PROZ: variants seen among roughly 807,000 people sequenced by gnomAD.
PROZ encodes the protein vitamin K-dependent protein Z.
Under a neutral mutation model 34.9 loss-of-function variants are expected in PROZ, and 46 were observed. That is an observed-to-expected ratio of 1.32 (90% CI 1.04 to 1.69). PROZ has a LOEUF of 1.69. Ranked by LOEUF, PROZ falls within the 40% of genes most tolerant of loss-of-function variation. The pLI is 0.00. For missense variants in PROZ, 530 were observed against 520.4 expected (o/e 1.02, Z -0.18); for synonymous variants, 195 against 208.5 (o/e 0.94, Z 0.56).
chr13:113,169,646 G>T (rs2037050899), intron 6 of PROZ, among the ~76,000 whole-genome samples: 1 of 152,258 alleles, frequency 6.6e-6, no homozygotes, highest in Non-Finnish European at 1.5e-5. Context: ...TCTAGAGCTA[G>T]TTATTCTGAC....
Position 113,159,626 on chromosome 13 carries a change from G to C in PROZ, c.71-388G>C, listed in dbSNP as rs1430804149. Among the ~76,000 whole-genome samples, 1 of 152,210 alleles carries C rather than the reference G, an allele frequency of 6.6e-6. No individual in the cohort carries two copies. Among genetic ancestry groups the C allele is most frequent in the Non-Finnish European group, 1.5e-5 (1 of 68,048 alleles). On this transcript the variant is annotated intron_variant, in intron 1 of 7. Coordinates refer to ENST00000375547, the MANE Select transcript of PROZ (RefSeq NM_003891.3). This position sits in a 1 kb window ranked among gnomAD's most constrained non-coding sequence, Gnocchi z 4.6. ...GTTTTATCAAGATGTTAAATGCTGCGCACAGAGGCAGCACAGGAGCTGATG... is the reference window on the plus strand; with the variant it reads ...GTTTTATCAAGATGTTAAATGCTGCCCACAGAGGCAGCACAGGAGCTGATG...
rs765789868 is a variant in PROZ at position 113,170,509 on chromosome 13, AG to A, written c.672del (p.Asn225IlefsTer4). ...LTTAKCSLLH[R>X]NITVKTYFNR... is the part of the protein sequence containing the mutation. ...AACAGCAAAATGTTCACTGTTACAC[AG>A]GAATATTACTGTAAAAACATGTAAG... is the stretch of plus-strand genomic sequence containing the variant. On this transcript the variant is annotated frameshift_variant, in exon 7 of 8. Coordinates refer to ENST00000375547, the MANE Select transcript of PROZ (RefSeq NM_003891.3). LOFTEE classifies it low-confidence loss of function (END_TRUNC). 249 of 1,587,028 alleles carry A rather than the reference AG, an allele frequency of 1.6e-4. 1 individual carries two copies. Among genetic ancestry groups the A allele is most frequent in the Non-Finnish European group, 2.3e-5 (27 of 1,155,528 alleles).
chr13:113,159,939 G>C lies in PROZ; in HGVS notation c.71-75G>C. 1 of 1,580,204 alleles carries C rather than the reference G, an allele frequency of 6.3e-7. No homozygotes were observed. The highest frequency in any genetic ancestry group is 8.7e-7 in the Non-Finnish European group (1 of 1,151,340). The stretch of plus-strand genomic sequence containing the variant: ...CGGGGCTGGGGCTGGCGGCCGGCCG[G>C]GGAGGAAGCCAGGCAGCTCTGGAAA... On this transcript the variant is annotated intron_variant, in intron 1 of 7. Transcript: ENST00000375547. This position sits in a 1 kb window ranked among gnomAD's most constrained non-coding sequence, Gnocchi z 4.6.
intron 6 of PROZ, among the ~76,000 whole-genome samples, chr13:113,169,125 G>A (rs556299152): frequency 6.6e-5 from 10 of 152,196 alleles, no homozygotes; most frequent in Admixed American, 2.6e-4. Flanking sequence ...CCATAGCTCA[G>A]AGATGGTCTG....
In PROZ at chr13:113,164,538, G is replaced by C. The variant is rs1394157190; in HGVS notation, c.399G>C (p.Arg133=). 9.9e-6 allele frequency: 16 copies of C among 1,613,808 alleles called. No homozygotes were observed. Among genetic ancestry groups the C allele is most frequent in the Non-Finnish European group, 1.4e-5 (16 of 1,180,016 alleles). ...CTAAAAATGAATGTCACCCAGAGCGGACTGATGGGTGTCAACACTTCTGCC... is the reference window on the plus strand; with the variant it reads ...CTAAAAATGAATGTCACCCAGAGCGCACTGATGGGTGTCAACACTTCTGCC... ...ELAKNECHPE[R]TDGCQHFCLP... is the part of the protein sequence containing the mutation. The change falls in exon 5 of 8, where the codon CGG becomes CGC. Residue 133 remains arginine, a synonymous_variant. Transcript: ENST00000375547.
Position 113,159,323 on chromosome 13 carries a change from C to T in PROZ, c.70+593C>T. 16 of 1,467,004 alleles carry T rather than the reference C, an allele frequency of 1.1e-5. No individual in the cohort carries two copies. Among genetic ancestry groups the T allele is most frequent in the Non-Finnish European group, 1.4e-5 (15 of 1,071,372 alleles). 90.9% of individuals were successfully genotyped at this position (1,467,004 alleles called of 1,614,324 possible). On this transcript the variant is annotated intron_variant, in intron 1 of 7. Transcript: ENST00000375547. This position sits in a 1 kb window ranked among gnomAD's most constrained non-coding sequence, Gnocchi z 4.6. ...CATGGTCTCCCGCTGGCCCCATGGTCTCCCACCCTGAGAGGGTGATCCCCC... is the reference window on the plus strand; with the variant it reads ...CATGGTCTCCCGCTGGCCCCATGGTTTCCCACCCTGAGAGGGTGATCCCCC...
At chr13:113,166,635 G>C (rs1459278810) in intron 6 of PROZ, among the ~76,000 whole-genome samples, 2 of 152,220 alleles carry the variant, frequency 1.3e-5, no homozygotes, top group Non-Finnish European at 2.9e-5. Flanking sequence ...TGGAAGGCGG[G>C]GATGGAAGCG....
At position 113,159,373 on chromosome 13, in the gene PROZ, C is replaced by G; in HGVS notation, c.71-641C>G. 2 of 1,199,622 alleles carry G rather than the reference C, an allele frequency of 1.7e-6. No individual in the cohort carries two copies. Among genetic ancestry groups the G allele is most frequent in the East Asian group, 2.6e-5 (1 of 39,182 alleles). The allele number at this position is 1,199,622 out of a possible 1,614,324, so 74.3% of individuals were successfully genotyped here. A position where few individuals can be genotyped will look rare whatever the true frequency, so the allele number is the denominator to read the frequency against. On this transcript the variant is annotated intron_variant, in intron 1 of 7. Transcript: ENST00000375547. The surrounding 1 kb of genome is among the most constrained non-coding windows in gnomAD (Gnocchi z 4.6). The stretch of plus-strand genomic sequence containing the variant: ...CCGCCCTGCCCTGCCCAGCACTTAC[C>G]GTAGCCGGACTTAGCTGAGCCCCCC...
chr13:113,165,074 T>C lies in PROZ; in HGVS notation c.527T>C (p.Leu176Pro), dbSNP rs766046100. Residue 176 changes from leucine to proline, a missense_variant, in exon 6 of 8, where the codon CTG (leucine) becomes CCG (proline). By Grantham distance (98) the Leu-to-Pro change is moderately conservative. Coordinates refer to ENST00000375547, the MANE Select transcript of PROZ (RefSeq NM_003891.3). ...GCAGACCAGTGTGCCTGCGGGGTGC[T>C]GACCTCTGAGAAGCGTGCACCGGAT... ...VPHDQCACGVLTSEKRAPDLQ... is the reference protein window; with the variant it reads ...VPHDQCACGVPTSEKRAPDLQ... The C allele has an allele frequency of 6.2e-6, 10 of 1,613,332 alleles. No individual in the cohort carries two copies. The highest frequency in any genetic ancestry group is 1.7e-4 in the Middle Eastern group (1 of 6,058).
rs143678466 is a variant in PROZ at position 113,172,062 on chromosome 13, A to G, written c.1160A>G (p.Lys387Arg). 1.9e-5 allele frequency: 31 copies of G among 1,612,902 alleles called. No individual in the cohort carries two copies. The highest frequency in any genetic ancestry group is 2.4e-5 in the Non-Finnish European group (28 of 1,180,012). Residue 387 changes from lysine to arginine, a missense_variant, in exon 8 of 8, where the codon AAG (lysine) becomes AGG (arginine). Transcript: ENST00000375547. Reference protein sequence around the residue: ...GGQAHMVLVTKVSRYSLWFKQ... With the variant: ...GGQAHMVLVTRVSRYSLWFKQ... ...CAGGCTCACATGGTCCTTGTCACCA[A>G]GGTCTCCAGGTACTCACTCTGGTTT... is the stretch of plus-strand genomic sequence containing the variant.
chr13:113,164,192 C>G (rs749825696), intron 4 of PROZ, among the ~76,000 whole-genome samples: 4 of 152,006 alleles, frequency 2.6e-5, no homozygotes, highest in Non-Finnish European at 5.9e-5. Context: ...GTTGGCCAGG[C>G]TGGTCTTGAT....
intron 6 of PROZ, chr13:113,166,414 AG>A (rs1329261564): frequency 6.6e-6 from 1 of 152,154 alleles, no homozygotes; most frequent in Non-Finnish European, 1.5e-5. Context: ...GCACAGCCTC[AG>A]GGGCCCCCCT....
At chr13:113,160,294 G>C (rs2036738715) in intron 2 of PROZ, 117 bp downstream of exon 2, 2 of 1,285,374 alleles carry the variant, frequency 1.6e-6, no homozygotes, top group Non-Finnish European at 2.3e-6. Context: ...TTACCGATGA[G>C]GTTGACACAA....
At chr13:113,164,302 A>G (rs538112242) in intron 4 of PROZ, among the ~76,000 whole-genome samples, 19 of 152,202 alleles carry the variant, frequency 1.2e-4, no homozygotes, top group African/African-American at 4.3e-4. Flanking sequence ...TTTGTTCTAC[A>G]TGCACATTCC....
intron 4 of PROZ, among the ~76,000 whole-genome samples, chr13:113,164,081 G>A (rs558425126): frequency 1.3e-3 from 195 of 151,826 alleles, no homozygotes; most frequent in African/African-American, 4.3e-3. Context: ...CTGGGTTCAA[G>A]TGATTCTCCT....
At chr13:113,163,541 G>A (rs374750395) in intron 4 of PROZ, among the ~76,000 whole-genome samples, 23 of 152,096 alleles carry the variant, frequency 1.5e-4, no homozygotes, top group East Asian at 3.9e-4. Flanking sequence ...GTCCATCATC[G>A]CCAACTACAG....
At chr13:113,162,908 CCTCCTGCT>C in intron 3 of PROZ, 93 bp from the exon 4 acceptor site, 1 of 577,802 alleles carries the variant, frequency 1.7e-6, no homozygotes, top group Non-Finnish European at 3.0e-6. Flanking sequence ...ACTCCATCCT[CCTCCTGCT>C]CAGGTCCCCA....
At chr13:113,170,660 C>G in intron 7 of PROZ, 130 bp downstream of exon 7, 1 of 675,182 alleles carries the variant, frequency 1.5e-6, no homozygotes, top group South Asian at 1.7e-5. Context: ...GTCAATAAAA[C>G]TGAGATACTT....
At chr13:113,160,531 A>G (rs2036742000) in intron 2 of PROZ, among the ~76,000 whole-genome samples, 1 of 152,070 alleles carries the variant, frequency 6.6e-6, no homozygotes, top group Admixed American at 6.6e-5. Context: ...AAGTGTCCCC[A>G]CTCCCTACAG....
Sources: gnomAD v4.1 joint callset for allele counts (sites outside exome capture counted in the v4.1 genomes callset) on GRCh38, gnomAD v4.1.1 for gene constraint, Gnocchi (gnomAD v3.1) non-coding constraint, MANE v1.5 for transcripts, NCBI Gene and HGNC (gene_info 2026-07-23, HGNC 2026-07-21) for gene names.